The following SGCZ variants were observed in gnomAD, a reference collection of about 807,000 sequenced individuals.
SGCZ encodes the protein zeta-sarcoglycan.
Under a neutral mutation model 41.3 loss-of-function variants are expected in SGCZ, and 40 were observed. The observed-to-expected ratio is 0.97, with a 90% CI of 0.75 to 1.26. SGCZ has a LOEUF of 1.26. Among genes scored for constraint, SGCZ ranks in the 50% most tolerant of loss-of-function variants. The pLI, the probability that SGCZ is intolerant of heterozygous loss-of-function variation, is 0.00. For missense variants in SGCZ, 552 were observed against 369.8 expected, an observed-to-expected ratio of 1.49 and a Z score of -4.04; for synonymous variants, 206 against 137.5, an observed-to-expected ratio of 1.50 and a Z score of -3.49.
intron 1 of SGCZ, among the ~76,000 whole-genome samples, chr8:15,163,187 T>C (rs1799564235): frequency 6.6e-6 from 1 of 152,244 alleles, no homozygotes; most frequent in African/African-American, 2.4e-5. Context: ...TCTTTGTTAC[T>C]GGCTTATACT....
intron 2 of SGCZ, among the ~76,000 whole-genome samples, chr8:14,479,647 AAAC>A (rs1801466693): frequency 6.6e-6 from 1 of 152,018 alleles, no homozygotes; most frequent in African/African-American, 2.4e-5. Context: ...TCACATCAAA[AAAC>A]AACAAAATGG....
intron 1 of SGCZ, among the ~76,000 whole-genome samples, chr8:15,233,231 A>G (rs183956212): frequency 1.1e-4 from 16 of 151,918 alleles, no homozygotes; most frequent in African/African-American, 3.6e-4. Flanking sequence ...AGAATGACTA[A>G]CATAACAAAA....
intron 1 of SGCZ, among the ~76,000 whole-genome samples, chr8:14,997,406 G>T (rs550130082): frequency 7.9e-5 from 12 of 152,268 alleles, no homozygotes; most frequent in African/African-American, 2.9e-4. Context: ...ATGCAGTAAA[G>T]ACATCTCTGT....
At chr8:14,470,662 T>A (rs115264422) in intron 2 of SGCZ, among the ~76,000 whole-genome samples, 1 of 152,116 alleles carries the variant, frequency 6.6e-6, no homozygotes, top group Non-Finnish European at 1.5e-5. Context: ...TATATGACGG[T>A]TGGAGATAAT....
chr8:14,653,628 T>C (rs1807470991), intron 1 of SGCZ, among the ~76,000 whole-genome samples: 1 of 152,132 alleles, frequency 6.6e-6, no homozygotes, highest in South Asian at 2.1e-4. Flanking sequence ...TTGAAATCCA[T>C]GTCTATAAGC....
intron 5 of SGCZ, among the ~76,000 whole-genome samples, chr8:14,136,159 C>G (rs575649761): frequency 1.3e-5 from 2 of 152,210 alleles, no homozygotes; most frequent in East Asian, 3.9e-4. Context: ...TCTTCAAACA[C>G]TAAAGAATCA....
At chr8:14,509,823 G>C (rs1049802273) in intron 2 of SGCZ, among the ~76,000 whole-genome samples, 3 of 152,124 alleles carry the variant, frequency 2.0e-5, no homozygotes, top group Non-Finnish European at 4.4e-5. Context: ...ATTTTACAAA[G>C]TGGCAGGAGA....
At chr8:14,370,044 A>G (rs568018949) in intron 2 of SGCZ, among the ~76,000 whole-genome samples, 1 of 152,152 alleles carries the variant, frequency 6.6e-6, no homozygotes, top group South Asian at 2.1e-4. Context: ...CACTCTTTAA[A>G]GATCTACTTA....
intron 4 of SGCZ, among the ~76,000 whole-genome samples, chr8:14,201,121 G>A (rs757711781): frequency 1.3e-5 from 2 of 152,132 alleles, no homozygotes; most frequent in Non-Finnish European, 2.9e-5. Flanking sequence ...TGGTGAAATA[G>A]CAAGTTTTGC....
In SGCZ at chr8:15,117,793, A is replaced by G. The variant is rs147066873; in HGVS notation, c.39+119792T>C. On this transcript the variant is annotated intron_variant, in intron 1 of 7. Coordinates refer to ENST00000382080, the MANE Select transcript of SGCZ (RefSeq NM_139167.4). ...AATAAATAACTATTTCATCACATTCATAATTGTTAACTTGTAACTGGCAGG... is the reference window on the plus strand; with the variant it reads ...AATAAATAACTATTTCATCACATTCGTAATTGTTAACTTGTAACTGGCAGG... 2.4e-3 allele frequency among the ~76,000 whole-genome samples: 362 copies of G among 152,348 alleles called. 1 individual carries two copies. Among genetic ancestry groups the G allele is most frequent in the African/African-American group, 8.3e-3 (344 of 41,580 alleles).
chr8:15,224,673 C>T (rs537840802), intron 1 of SGCZ, among the ~76,000 whole-genome samples: 5 of 152,220 alleles, frequency 3.3e-5, no homozygotes, highest in Middle Eastern at 6.8e-3. Context: ...TAACTATATG[C>T]TGCTTTCCAG....
At chr8:14,241,677 G>C (rs1337521559) in intron 3 of SGCZ, among the ~76,000 whole-genome samples, 1 of 151,844 alleles carries the variant, frequency 6.6e-6, no homozygotes, top group Admixed American at 6.6e-5. Flanking sequence ...TAGCTCTAGA[G>C]GACATATCCG....
chr8:14,603,617 A>G (rs1031482223), intron 1 of SGCZ, among the ~76,000 whole-genome samples: 1 of 152,212 alleles, frequency 6.6e-6, no homozygotes, highest in African/African-American at 2.4e-5. Flanking sequence ...AAACTTTCAT[A>G]TAAGTTTATA....
chr8:14,396,372 A>C (rs761835529), intron 2 of SGCZ, among the ~76,000 whole-genome samples: 3 of 152,092 alleles, frequency 2.0e-5, no homozygotes, highest in Non-Finnish European at 4.4e-5. Flanking sequence ...AGGAAAAGGG[A>C]GTGATAACTG....
At chr8:14,791,587 C>G (rs952617324) in intron 1 of SGCZ, among the ~76,000 whole-genome samples, 1 of 152,316 alleles carries the variant, frequency 6.6e-6, no homozygotes, top group South Asian at 2.1e-4. Flanking sequence ...CACTCCCAAA[C>G]CCATCCCCAA....
At chr8:14,409,564 C>T (rs541339666) in intron 2 of SGCZ, among the ~76,000 whole-genome samples, 1 of 152,160 alleles carries the variant, frequency 6.6e-6, no homozygotes, top group South Asian at 2.1e-4. Flanking sequence ...GGAGAGTTGT[C>T]TTTTACTCTG....
intron 1 of SGCZ, among the ~76,000 whole-genome samples, chr8:15,185,791 T>G (rs958872732): frequency 5.9e-5 from 9 of 152,166 alleles, no homozygotes; most frequent in Admixed American, 5.9e-4. Context: ...GATCTGCAAC[T>G]TGGTTAATGA....
chr8:14,730,501 G>C (rs1047004016), intron 1 of SGCZ, among the ~76,000 whole-genome samples: 4 of 151,928 alleles, frequency 2.6e-5, no homozygotes, highest in Non-Finnish European at 5.9e-5. Flanking sequence ...GCCCTAGCTT[G>C]TTATATTACA....
intron 1 of SGCZ, among the ~76,000 whole-genome samples, chr8:15,069,224 G>A (rs904285168): frequency 2.0e-5 from 3 of 152,064 alleles, no homozygotes; most frequent in Non-Finnish European, 4.4e-5. Flanking sequence ...GGTAGAGACA[G>A]GGTCTTGTTA....
Sources: gnomAD v4.1 joint callset for allele counts (sites outside exome capture counted in the v4.1 genomes callset) on GRCh38, gnomAD v4.1.1 for gene constraint, MANE v1.5 for transcripts, NCBI Gene and HGNC (gene_info 2026-07-23, HGNC 2026-07-21) for gene names.